Variants in PPP3CC observed in about 807,000 individuals in gnomAD.
PPP3CC encodes the protein protein phosphatase 3 catalytic subunit gamma.
Under a neutral mutation model 60.3 loss-of-function variants are expected in PPP3CC, and 35 were observed. That is an observed-to-expected ratio of 0.58 (90% CI 0.44 to 0.77). The LOEUF is 0.77. Ranked by LOEUF, PPP3CC falls within the 30% of genes least tolerant of loss-of-function variation. PPP3CC has a pLI of 0.00. For missense variants in PPP3CC, 570 were observed against 628.9 expected (o/e 0.91, Z 1.00); for synonymous variants, 206 against 224.3 (o/e 0.92, Z 0.73).
chr8:22,519,703 G>A (rs962152078), intron 6 of PPP3CC, among the ~76,000 whole-genome samples: 7 of 152,170 alleles, frequency 4.6e-5, no homozygotes, highest in African/African-American at 7.2e-5. Context: ...CACCTAGGCT[G>A]GAGTGCAGTG....
chr8:22,530,002 G>C (rs1197284804), intron 10 of PPP3CC, among the ~76,000 whole-genome samples: 1 of 152,130 alleles, frequency 6.6e-6, no homozygotes, highest in Non-Finnish European at 1.5e-5. Context: ...TGCTAAGGTG[G>C]TTCCCTTAAC....
At chr8:22,525,436 TTCTCTCTCTTTC>T (rs1252546205) in intron 8 of PPP3CC, among the ~76,000 whole-genome samples, 2 of 151,168 alleles carry the variant, frequency 1.3e-5, no homozygotes, top group South Asian at 2.1e-4. Flanking sequence ...CTCTTTTCTT[TTCTCTCTCTTTC>T]TCTCTCTCTT....
chr8:22,450,897 G>A (rs112259977), intron 1 of PPP3CC, among the ~76,000 whole-genome samples: 3,302 of 150,812 alleles, frequency 0.022, 49 homozygotes, highest in Middle Eastern at 0.034. Flanking sequence ...GTGCAGTGGC[G>A]CCACCACGGC....
intron 4 of PPP3CC, among the ~76,000 whole-genome samples, chr8:22,501,395 G>T (rs1838757394): frequency 6.6e-6 from 1 of 152,194 alleles, no homozygotes; most frequent in Non-Finnish European, 1.5e-5. Flanking sequence ...GCCACAGTGT[G>T]GCTAGATTCT....
intron 1 of PPP3CC, among the ~76,000 whole-genome samples, chr8:22,450,287 A>G (rs1488768938): frequency 6.6e-6 from 1 of 152,228 alleles, no homozygotes; most frequent in Non-Finnish European, 1.5e-5. Context: ...TATGTTTTTA[A>G]TTTTATTGAA....
intron 4 of PPP3CC, among the ~76,000 whole-genome samples, chr8:22,508,980 A>G (rs1839004561): frequency 6.6e-6 from 1 of 152,218 alleles, no homozygotes; most frequent in African/African-American, 2.4e-5. Context: ...GGAATAGATT[A>G]TGCTGACTGC....
intron 4 of PPP3CC, among the ~76,000 whole-genome samples, chr8:22,501,324 A>C (rs1433712586): frequency 6.6e-6 from 1 of 152,244 alleles, no homozygotes. Flanking sequence ...AATTATCACA[A>C]ATTTAGTGGC....
intron 4 of PPP3CC, among the ~76,000 whole-genome samples, chr8:22,504,112 A>T (rs865863305): frequency 1.6e-4 from 25 of 152,146 alleles, no homozygotes; most frequent in East Asian, 3.8e-4. Context: ...GAGATTTTTT[A>T]AAAAATATTC....
At chr8:22,473,345 A>T (rs1837788018) in intron 1 of PPP3CC, among the ~76,000 whole-genome samples, 1 of 152,240 alleles carries the variant, frequency 6.6e-6, no homozygotes, top group Non-Finnish European at 1.5e-5. Context: ...GCCAATTTAA[A>T]AATATTAAAT....
At chr8:22,523,789 G>A in intron 8 of PPP3CC, 2 of 332,432 alleles carry the variant, frequency 6.0e-6, no homozygotes, top group Non-Finnish European at 1.2e-5. Context: ...ACCATTTGGG[G>A]TCAGAAACAA....
chr8:22,491,401 C>T (rs893502186), intron 3 of PPP3CC, among the ~76,000 whole-genome samples: 2 of 152,082 alleles, frequency 1.3e-5, no homozygotes, highest in South Asian at 2.1e-4. Flanking sequence ...TAGTATTCTA[C>T]TGTTTTAATT....
chr8:22,498,031 A>T lies in PPP3CC; in HGVS notation c.403A>T (p.Asn135Tyr). 1 of 1,613,018 alleles carries T rather than the reference A, an allele frequency of 6.2e-7. No homozygotes were observed. The highest frequency in any genetic ancestry group is 8.5e-7 in the Non-Finnish European group (1 of 1,179,346). Residue 135 changes from asparagine to tyrosine, a missense_variant, in exon 4 of 14, where the codon AAT (asparagine) becomes TAT (tyrosine). By Grantham distance (143) the Asn-to-Tyr change is moderately radical. Transcript: ENST00000240139. ...CVLYLWSLKINHPKTLFLLRG... is the reference protein window; with the variant it reads ...CVLYLWSLKIYHPKTLFLLRG... ...GCTGTATTTATGGAGTTTAAAGATT[A>T]ATCATCCCAAAACATTGTTTCTGCT...
intron 4 of PPP3CC, 48 bp from the exon 5 acceptor site, chr8:22,511,038 T>C: frequency 6.3e-7 from 1 of 1,585,708 alleles, no homozygotes; most frequent in South Asian, 1.1e-5. Context: ...CTTTTTCAAA[T>C]GTGATACGTT....
At chr8:22,535,732 A>AT (rs1437323384) in intron 12 of PPP3CC, among the ~76,000 whole-genome samples, 1 of 151,544 alleles carries the variant, frequency 6.6e-6, no homozygotes, top group Non-Finnish European at 1.5e-5. Context: ...GGACAAACCC[A>AT]TTTTTTTTCT....
rs796368288 is a variant in PPP3CC at position 22,441,705 on chromosome 8, ACTT to A, written c.49+253_49+255del. Among the ~76,000 whole-genome samples the A allele has an allele frequency of 4.1e-4, 62 of 151,776 alleles. No individual in the cohort carries two copies. The East Asian group carries it at 6.1e-3, about 15-fold the overall frequency. ...CCGAAGGGTTCAGGGTGCAGTGGGG[ACTT>A]CTTCTCCCACCGCCCCGAAGGGCCC... On this transcript the variant is annotated intron_variant, in intron 1 of 13. Transcript: ENST00000240139.
chr8:22,489,686 T>TAA (rs1184197028), intron 3 of PPP3CC, among the ~76,000 whole-genome samples: 231 of 67,738 alleles, frequency 3.4e-3, no homozygotes, highest in Non-Finnish European at 6.5e-3. Flanking sequence ...ATATTATATA[T>TAA]AAGTATATAT....
At chr8:22,499,168 G>A (rs1200186919) in intron 4 of PPP3CC, among the ~76,000 whole-genome samples, 6 of 150,508 alleles carry the variant, frequency 4.0e-5, no homozygotes, top group East Asian at 2.0e-4. Context: ...GGCCGGGCGC[G>A]GTGGCTCACG....
chr8:22,456,484 C>G lies in PPP3CC; in HGVS notation c.49+15026C>G, dbSNP rs551350690. Among the ~76,000 whole-genome samples the G allele has an allele frequency of 4.7e-4, 72 of 152,224 alleles. 1 individual carries two copies. Among genetic ancestry groups the G allele is most frequent in the African/African-American group, 1.6e-3 (68 of 41,530 alleles). ...GAAATGTAAAGGGAGGTCCCAAACA[C>G]CTCTCCCCTAACTCCCTTCCCTCTC... is the stretch of plus-strand genomic sequence containing the variant. On this transcript the variant is annotated intron_variant, in intron 1 of 13. Coordinates refer to ENST00000240139, the MANE Select transcript of PPP3CC (RefSeq NM_005605.5).
chr8:22,508,341 C>G (rs909934307), intron 4 of PPP3CC, among the ~76,000 whole-genome samples: 2 of 151,968 alleles, frequency 1.3e-5, no homozygotes, highest in Non-Finnish European at 2.9e-5. Context: ...AACAGCTAAA[C>G]TAAGAAAAAT....
Sources: allele counts gnomAD v4.1 joint callset (sites outside exome capture counted in the v4.1 genomes callset), GRCh38; gene constraint gnomAD v4.1.1; transcripts MANE v1.5; gene names NCBI Gene and HGNC (gene_info 2026-07-23, HGNC 2026-07-21).